The following CNTNAP2 variants were observed in gnomAD, a reference collection of about 807,000 sequenced individuals.
CNTNAP2 encodes contactin-associated protein-like 2.
A neutral mutation model predicts 155.2 loss-of-function variants in CNTNAP2; 98 were observed. That is an observed-to-expected ratio of 0.63 (90% CI 0.54 to 0.75). The LOEUF is 0.75. Ranked by LOEUF, CNTNAP2 falls within the 30% of genes least tolerant of loss-of-function variation. The pLI is 0.00. For synonymous variants in CNTNAP2, 651 were observed against 631.2 expected (o/e 1.03, Z -0.47); for missense variants, 1,727 against 1,688.1 (o/e 1.02, Z -0.40).
chr7:147,723,298 G>T (rs1796592889), intron 13 of CNTNAP2, among the ~76,000 whole-genome samples: 1 of 152,024 alleles, frequency 6.6e-6, no homozygotes, highest in Admixed American at 6.6e-5. Context: ...GATGAAAAAT[G>T]GCATGTGTAG....
chr7:146,943,112 A>G (rs1356778804), intron 3 of CNTNAP2, among the ~76,000 whole-genome samples: 1 of 152,206 alleles, frequency 6.6e-6, no homozygotes, highest in Non-Finnish European at 1.5e-5. Flanking sequence ...CCTAAAAAAC[A>G]TTATAGCCTA....
intron 10 of CNTNAP2, among the ~76,000 whole-genome samples, chr7:147,444,152 A>T (rs567142696): frequency 1.3e-5 from 2 of 152,310 alleles, no homozygotes; most frequent in Non-Finnish European, 2.9e-5. Flanking sequence ...TAGTGAATCT[A>T]TTTTACCCTT....
At chr7:147,885,441 A>G (rs982311467) in intron 13 of CNTNAP2, among the ~76,000 whole-genome samples, 5 of 152,140 alleles carry the variant, frequency 3.3e-5, no homozygotes, top group African/African-American at 7.2e-5. Flanking sequence ...TATTGGTCCA[A>G]TCATCAGAGC....
chr7:146,431,662 C>A (rs1291206732), intron 1 of CNTNAP2, among the ~76,000 whole-genome samples: 1 of 151,908 alleles, frequency 6.6e-6, no homozygotes, highest in African/African-American at 2.4e-5. Context: ...GAGAAGACTG[C>A]GTTATCATAA....
chr7:148,055,732 TTGCAGTTAAGAAGGAAAAG>T (rs1039884107), intron 15 of CNTNAP2, among the ~76,000 whole-genome samples: 135 of 30,776 alleles, frequency 4.4e-3, no homozygotes, highest in Non-Finnish European at 7.2e-3. Flanking sequence ...AGTTAACACA[TTGCAGTTAAGAAGGAAAAG>T]CATTGCAGTT....
At chr7:146,325,170 A>C (rs571057127) in intron 1 of CNTNAP2, among the ~76,000 whole-genome samples, 1 of 152,246 alleles carries the variant, frequency 6.6e-6, no homozygotes, top group Admixed American at 6.5e-5. Flanking sequence ...GGCTCAAGAA[A>C]TCCTCCTGCC....
chr7:148,090,899 G>T (rs911399898), intron 15 of CNTNAP2, among the ~76,000 whole-genome samples: 2 of 151,998 alleles, frequency 1.3e-5, no homozygotes, highest in Non-Finnish European at 2.9e-5. Context: ...CATGATGGAA[G>T]CTTCAAAAAG....
At chr7:147,369,466 C>T (rs1796304708) in intron 9 of CNTNAP2, among the ~76,000 whole-genome samples, 1 of 152,210 alleles carries the variant, frequency 6.6e-6, no homozygotes, top group African/African-American at 2.4e-5. Context: ...CCAGCATGTA[C>T]GATGAATTCT....
Position 147,315,127 on chromosome 7 carries a change from A to T in CNTNAP2, c.1498+14837A>T, listed in dbSNP as rs528378979. The stretch of plus-strand genomic sequence containing the variant: ...GGTACTTTACAAAAAAAAAAAAAAA[A>T]AAGTCTTTGGCTGCCTTCTTAGTAA... On this transcript the variant is annotated intron_variant, in intron 9 of 23. Transcript: ENST00000361727. Among the ~76,000 whole-genome samples the T allele has an allele frequency of 2.0e-5, 3 of 150,666 alleles. No individual in the cohort carries two copies. The South Asian group carries it at 6.4e-4, about 32-fold the overall frequency.
intron 1 of CNTNAP2, among the ~76,000 whole-genome samples, chr7:146,252,950 T>C (rs1346903026): frequency 6.6e-6 from 1 of 152,210 alleles, no homozygotes; most frequent in Non-Finnish European, 1.5e-5. Flanking sequence ...TTACTGTTTG[T>C]GTATTAAATG....
At chr7:147,147,873 G>T (rs1260448077) in intron 8 of CNTNAP2, among the ~76,000 whole-genome samples, 1 of 151,904 alleles carries the variant, frequency 6.6e-6, no homozygotes, top group African/African-American at 2.4e-5. Flanking sequence ...TATATAATGA[G>T]AGAAAAAAAG....
chr7:147,715,657 C>T lies in CNTNAP2; in HGVS notation c.2098+76351C>T, dbSNP rs561915195. 8.5e-5 allele frequency among the ~76,000 whole-genome samples: 13 copies of T among 152,054 alleles called. No individual in the cohort carries two copies. In the East Asian group the frequency reaches 2.3e-3, roughly 27 times the overall value. On this transcript the variant is annotated intron_variant, in intron 13 of 23. Transcript: ENST00000361727. ...CCAGTCTGCAATTTGTCTTTTCACC[C>T]TTAACAGGCTCTTTTACAGAATACT...
intron 10 of CNTNAP2, among the ~76,000 whole-genome samples, chr7:147,461,067 A>C (rs1049391956): frequency 1.3e-5 from 2 of 152,082 alleles, no homozygotes; most frequent in African/African-American, 4.8e-5. Context: ...AATGTTAAAG[A>C]CTCTCAATTG....
intron 1 of CNTNAP2, among the ~76,000 whole-genome samples, chr7:146,204,959 T>C (rs900434176): frequency 9.2e-5 from 14 of 152,108 alleles, no homozygotes; most frequent in African/African-American, 2.9e-4. Context: ...CTCCAAGAGA[T>C]AAAATAAGGA....
chr7:146,324,635 T>G (rs1440179308), intron 1 of CNTNAP2, among the ~76,000 whole-genome samples: 1 of 152,172 alleles, frequency 6.6e-6, no homozygotes, highest in African/African-American at 2.4e-5. Flanking sequence ...TTTTATTCTA[T>G]TTTTAATTGC....
intron 8 of CNTNAP2, among the ~76,000 whole-genome samples, chr7:147,283,721 A>G (rs1024133937): frequency 2.0e-5 from 3 of 151,890 alleles, no homozygotes; most frequent in African/African-American, 7.2e-5. Context: ...TCTGAAATAG[A>G]GAACAAATGC....
intron 22 of CNTNAP2, among the ~76,000 whole-genome samples, chr7:148,403,111 T>C (rs1322076557): frequency 6.6e-6 from 1 of 150,550 alleles, no homozygotes; most frequent in Non-Finnish European, 1.5e-5. Context: ...TAGTAGTGCA[T>C]ATGTGTGTGG....
At chr7:146,940,823 A>G (rs75017135) in intron 3 of CNTNAP2, among the ~76,000 whole-genome samples, 30,696 of 147,226 alleles carry the variant, frequency 0.21, 4,148 homozygotes, top group Non-Finnish European at 0.29. Context: ...GTGTGTGTAT[A>G]TACATATAGA....
intron 1 of CNTNAP2, among the ~76,000 whole-genome samples, chr7:146,352,153 G>C (rs1794924447): frequency 6.6e-6 from 1 of 152,052 alleles, no homozygotes; most frequent in South Asian, 2.1e-4. Context: ...GAATTTATTT[G>C]TATTTCCATG....
Sources: gnomAD v4.1 joint callset for allele counts (sites outside exome capture counted in the v4.1 genomes callset) on GRCh38, gnomAD v4.1.1 for gene constraint, MANE v1.5 for transcripts, NCBI Gene and HGNC (gene_info 2026-07-23, HGNC 2026-07-21) for gene names.